Variants in FMN1 observed in about 807,000 individuals in gnomAD.
The protein encoded by FMN1 is formin-1.
Under a neutral mutation model 132.4 loss-of-function variants are expected in FMN1, and 110 were observed. The observed-to-expected ratio is 0.83, with a 90% CI of 0.71 to 0.97. The LOEUF is 0.97. FMN1 is among the 50% of genes least tolerant of loss of function. The probability of loss-of-function intolerance (pLI) is 0.00; values close to 1 mark genes in which losing one functional copy is unlikely to be tolerated. For missense variants in FMN1, 1,792 were observed against 1,705.3 expected, an observed-to-expected ratio of 1.05 and a Z score of -0.90; for synonymous variants, 722 against 651.7, an observed-to-expected ratio of 1.11 and a Z score of -1.64.
chr15:33,007,924 CT>C, intron 7 of FMN1, 89 bp downstream of exon 7: 1 of 1,138,098 alleles, frequency 8.8e-7, no homozygotes. Flanking sequence ...TAGTTTAACA[CT>C]TCAACTTAAG....
intron 16 of FMN1, among the ~76,000 whole-genome samples, chr15:32,886,956 A>G (rs2059910592): frequency 6.6e-6 from 1 of 152,234 alleles, no homozygotes; most frequent in South Asian, 2.1e-4. Flanking sequence ...TTTCTAAAGG[A>G]AGCATCCATT....
intron 7 of FMN1, 148 bp downstream of exon 7, chr15:33,007,866 C>T (rs951647389): frequency 5.8e-6 from 3 of 517,626 alleles, no homozygotes; most frequent in East Asian, 3.0e-5. Flanking sequence ...CTTTTCATTC[C>T]CTGTATAGAC....
intron 5 of FMN1, chr15:33,067,808 G>A (rs866762801): frequency 6.2e-7 from 1 of 1,614,006 alleles, no homozygotes; most frequent in Admixed American, 1.7e-5. Context: ...GATCGACTGA[G>A]CCACTTCAAG....
chr15:33,006,961 A>G (rs1211120836), intron 7 of FMN1, among the ~76,000 whole-genome samples: 4 of 152,164 alleles, frequency 2.6e-5, no homozygotes, highest in Non-Finnish European at 5.9e-5. Context: ...GATGTGAGAA[A>G]TAAATTCAAG....
chr15:33,055,593 T>A (rs1490034010), intron 6 of FMN1, among the ~76,000 whole-genome samples: 1 of 145,700 alleles, frequency 6.9e-6, no homozygotes, highest in Non-Finnish European at 1.5e-5. Context: ...AATTTGACTG[T>A]ACTTCAACTC....
chr15:33,107,501 T>C (rs759065167), intron 4 of FMN1, among the ~76,000 whole-genome samples: 3 of 151,772 alleles, frequency 2.0e-5, no homozygotes, highest in Non-Finnish European at 2.9e-5. Flanking sequence ...TCCTAACCTC[T>C]CCCTTACTTC....
chr15:33,058,087 G>GAAAGGCGTGGC (rs2037314945), intron 6 of FMN1, among the ~76,000 whole-genome samples: 55 of 151,888 alleles, frequency 3.6e-4, no homozygotes, highest in South Asian at 6.3e-4. Flanking sequence ...AGGTGTGATG[G>GAAAGGCGTGGC]GGGTGCTGGT....
intron 4 of FMN1, chr15:33,151,260 A>G: frequency 6.5e-7 from 1 of 1,536,052 alleles, no homozygotes; most frequent in Non-Finnish European, 8.7e-7. Context: ...AAAAGCTCTT[A>G]CCCACTTCTA....
At chr15:32,984,393 C>T (rs562437780) in intron 7 of FMN1, among the ~76,000 whole-genome samples, 167 of 152,214 alleles carry the variant, frequency 1.1e-3, no homozygotes, top group Middle Eastern at 3.4e-3. Flanking sequence ...AAAAGGGTCT[C>T]CAAGACAGAT....
intron 18 of FMN1, among the ~76,000 whole-genome samples, chr15:32,803,153 TA>T (rs1224926436): frequency 6.6e-6 from 1 of 152,200 alleles, no homozygotes; most frequent in African/African-American, 2.4e-5. Flanking sequence ...ACAATCTGTT[TA>T]TTTGCATTTA....
At chr15:32,958,981 T>G (rs1224158571) in intron 9 of FMN1, among the ~76,000 whole-genome samples, 2 of 141,112 alleles carry the variant, frequency 1.4e-5, no homozygotes, top group South Asian at 2.3e-4. Context: ...TGGTGGGGGT[T>G]GCAGTGAGCC....
chr15:32,893,059 T>C (rs995553116), intron 15 of FMN1, among the ~76,000 whole-genome samples: 4 of 152,230 alleles, frequency 2.6e-5, no homozygotes, highest in Non-Finnish European at 5.9e-5. Context: ...ATCTAATTTA[T>C]CACTATGTTT....
At chr15:33,019,442 G>T (rs538394812) in intron 6 of FMN1, among the ~76,000 whole-genome samples, 2 of 152,186 alleles carry the variant, frequency 1.3e-5, no homozygotes, top group African/African-American at 4.8e-5. Flanking sequence ...ATCCTGCACC[G>T]GGGCCGCAGG....
chr15:32,982,539 G>T (rs1161651648), intron 7 of FMN1, among the ~76,000 whole-genome samples: 1 of 152,118 alleles, frequency 6.6e-6, no homozygotes, highest in East Asian at 1.9e-4. Flanking sequence ...GACCCCCAGG[G>T]TGCCCAGTTA....
chr15:33,185,568 A>ATTT (rs57232200), intron 2 of FMN1, among the ~76,000 whole-genome samples: 9 of 113,440 alleles, frequency 7.9e-5, no homozygotes, highest in African/African-American at 2.1e-4. Flanking sequence ...TAAAGTAAGA[A>ATTT]TTTTTTTTTT....
intron 17 of FMN1, among the ~76,000 whole-genome samples, chr15:32,834,622 C>T (rs1052431244): frequency 2.0e-5 from 3 of 152,202 alleles, no homozygotes; most frequent in Non-Finnish European, 4.4e-5. Context: ...GTGGCTGAAA[C>T]TCATCTCCCT....
intron 18 of FMN1, among the ~76,000 whole-genome samples, chr15:32,799,544 T>C (rs1385137483): frequency 1.3e-5 from 2 of 152,200 alleles, no homozygotes; most frequent in South Asian, 2.1e-4. Context: ...TAAAGCTTAA[T>C]ATGATACAAG....
chr15:33,101,790 T>C (rs927460270), intron 4 of FMN1, among the ~76,000 whole-genome samples: 32 of 152,108 alleles, frequency 2.1e-4, no homozygotes, highest in African/African-American at 6.5e-4. Flanking sequence ...GCATACAGAA[T>C]AGAACCCAAA....
At chr15:32,971,645 C>A (rs1407724082) in intron 7 of FMN1, among the ~76,000 whole-genome samples, 1 of 152,176 alleles carries the variant, frequency 6.6e-6, no homozygotes, top group Non-Finnish European at 1.5e-5. Context: ...CTGTTATTCT[C>A]AACTAAACCT....
Sources: gnomAD v4.1 joint callset for allele counts (sites outside exome capture counted in the v4.1 genomes callset) on GRCh38, gnomAD v4.1.1 for gene constraint, MANE v1.5 for transcripts, NCBI Gene and HGNC (gene_info 2026-07-23, HGNC 2026-07-21) for gene names.